The following N4BP2 variants were observed in gnomAD, a reference collection of about 807,000 sequenced individuals.
N4BP2 encodes NEDD4 binding protein 2.
In N4BP2, 91 loss-of-function variants were observed where a neutral mutation model predicts 152.8. The ratio of observed to expected loss-of-function variants is 0.60; its 90% CI spans 0.50 to 0.71. N4BP2 has a LOEUF of 0.71. N4BP2 is among the 30% of genes least tolerant of loss of function. The pLI is 0.00. For synonymous variants in N4BP2, 646 were observed against 705.3 expected, an observed-to-expected ratio of 0.92 and a Z score of 1.33; for missense variants, 1,923 against 2,059.1, an observed-to-expected ratio of 0.93 and a Z score of 1.28.
chr4:40,059,781 A>G (rs139425404), intron 1 of N4BP2, among the ~76,000 whole-genome samples: 1 of 152,350 alleles, frequency 6.6e-6, no homozygotes, highest in Non-Finnish European at 1.5e-5. Context: ...GTACACACAC[A>G]TGCACACCAG....
At chr4:40,100,076 A>G (rs1172112049) in intron 3 of N4BP2, 2 of 456,072 alleles carry the variant, frequency 4.4e-6, no homozygotes, top group African/African-American at 2.0e-5. Flanking sequence ...GTTCTTGTGC[A>G]CAGCACTTTT....
intron 5 of N4BP2, 114 bp from the exon 6 acceptor site, chr4:40,111,970 G>A (rs1716926768): frequency 1.5e-5 from 9 of 612,092 alleles, no homozygotes; most frequent in Non-Finnish European, 2.6e-5. Flanking sequence ...AAGTTGAGCA[G>A]TGAGTAAAAT....
In N4BP2 at chr4:40,106,910, G is replaced by C; in HGVS notation, c.1384G>C (p.Glu462Gln). 2 of 1,606,064 alleles carry C rather than the reference G, an allele frequency of 1.2e-6. No individual in the cohort carries two copies. Among genetic ancestry groups the C allele is most frequent in the Non-Finnish European group, 1.7e-6 (2 of 1,175,492 alleles). ...ATTTATCTTTCACAGGACTTTGCAA[G>C]AGGATAATCCAAGTGGAGTCATTCT... is the stretch of plus-strand genomic sequence containing the variant. Reference protein sequence around the residue: ...GKSFLARTLQEDNPSGVILST... With the variant: ...GKSFLARTLQQDNPSGVILST... The change falls in exon 5 of 18, where the codon GAG becomes CAG. Residue 462 changes from glutamate to glutamine, a missense_variant. Transcript: ENST00000261435.
rs1271189578 is a variant in N4BP2 at position 40,152,994 on chromosome 4, AT to A, written c.5267+92del. 4 of 1,275,242 alleles carry A rather than the reference AT, an allele frequency of 3.1e-6. No homozygotes were observed. The African/African-American group carries it at 4.4e-5, about 14-fold the overall frequency. The allele number at this position is 1,275,242 out of a possible 1,614,324, so 79.0% of individuals were successfully genotyped here. A position where few individuals can be genotyped will look rare whatever the true frequency, so the allele number is the denominator to read the frequency against. On this transcript the variant is annotated intron_variant, in intron 17 of 17. Coordinates refer to ENST00000261435, the MANE Select transcript of N4BP2 (RefSeq NM_018177.6). Reference sequence around the variant, plus strand: ...TGAGTATAGATTTCTGTTATTGATAATAGCAATAGCCCTAATATAGCTAGGT... The same window carrying A: ...TGAGTATAGATTTCTGTTATTGATAAAGCAATAGCCCTAATATAGCTAGGT...
chr4:40,159,555 G>C (rs1030616736), downstream of N4BP2, among the ~76,000 whole-genome samples: 1 of 152,108 alleles, frequency 6.6e-6, no homozygotes, highest in African/African-American at 2.4e-5. Flanking sequence ...CAAAGAAAAA[G>C]GGAGCAAAAG....
rs757955634 is a variant in N4BP2, at chr4:40,113,450, A to G, written c.1606A>G (p.Lys536Glu). 1 of 1,612,594 alleles carries G rather than the reference A, an allele frequency of 6.2e-7. No homozygotes were observed. Among genetic ancestry groups the G allele is most frequent in the South Asian group, 1.1e-5 (1 of 90,966 alleles). ...YVALSQKHKY[K>E]VLFREPDTWW... is the part of the protein sequence containing the mutation. Reference sequence around the variant, plus strand: ...TATGTAGTCTCAGAAACACAAATATAAAGTCCTTTTTCGGGAACCAGACAC... The same window carrying G: ...TATGTAGTCTCAGAAACACAAATATGAAGTCCTTTTTCGGGAACCAGACAC... Residue 536 changes from lysine to glutamate, a missense_variant, in exon 7 of 18, where the codon AAA becomes GAA. Lys to Glu is a moderately conservative substitution (Grantham distance 56). Transcript: ENST00000261435.
chr4:40,079,532 A>G (rs2109914770), intron 2 of N4BP2, among the ~76,000 whole-genome samples: 2 of 151,808 alleles, frequency 1.3e-5, no homozygotes, highest in South Asian at 4.2e-4. Flanking sequence ...GACCATTGCC[A>G]TAACACTATT....
intron 14 of N4BP2, 43 bp downstream of exon 14, chr4:40,137,125 C>T (rs749531149): frequency 6.9e-7 from 1 of 1,441,482 alleles, no homozygotes; most frequent in Non-Finnish European, 9.5e-7. Context: ...TAGATAATTG[C>T]ATATAAAAAT....
At chr4:40,108,771 A>G (rs998930891) in intron 5 of N4BP2, among the ~76,000 whole-genome samples, 9 of 151,660 alleles carry the variant, frequency 5.9e-5, no homozygotes, top group South Asian at 4.2e-4. Context: ...GCATAGTTTG[A>G]ATTTTCTATG....
At chr4:40,138,525 T>C (rs1426157696) in intron 14 of N4BP2, among the ~76,000 whole-genome samples, 1 of 152,226 alleles carries the variant, frequency 6.6e-6, no homozygotes, top group African/African-American at 2.4e-5. Context: ...TGTAGGAGTC[T>C]TATAGTTTCA....
At chr4:40,107,579 T>C (rs1405360801) in intron 5 of N4BP2, among the ~76,000 whole-genome samples, 1 of 151,944 alleles carries the variant, frequency 6.6e-6, no homozygotes, top group Non-Finnish European at 1.5e-5. Context: ...AGACGGGGTT[T>C]CCCCGTGTTG....
chr4:40,100,508 T>C (rs893845883), intron 3 of N4BP2, among the ~76,000 whole-genome samples: 1 of 151,932 alleles, frequency 6.6e-6, no homozygotes, highest in Admixed American at 6.6e-5. Flanking sequence ...CAGCCTCCTA[T>C]GTGGCTGGTA....
Position 40,122,272 on chromosome 4 carries a change from A to G in N4BP2, c.4161A>G (p.Gln1387=), listed in dbSNP as rs745623755. The change falls in exon 9 of 18, where the codon CAA becomes CAG. Residue 1387 remains glutamine, a synonymous_variant. Coordinates refer to ENST00000261435, the MANE Select transcript of N4BP2 (RefSeq NM_018177.6). ...ELALPPELAF[Q]LNELFGPVGI... is the part of the protein sequence containing the mutation. Reference sequence around the variant, plus strand: ...CATTACCCCCTGAACTGGCTTTTCAACTTAATGAATTATTTGGTCCTGTTG... The same window carrying G: ...CATTACCCCCTGAACTGGCTTTTCAGCTTAATGAATTATTTGGTCCTGTTG... The G allele has an allele frequency of 1.1e-5, 18 of 1,589,950 alleles. No individual in the cohort carries two copies. The highest frequency in any genetic ancestry group is 2.2e-5 in the East Asian group (1 of 44,452).
intron 17 of N4BP2, among the ~76,000 whole-genome samples, 193 bp downstream of exon 17, chr4:40,153,096 A>C (rs1462053459): frequency 1.3e-5 from 2 of 152,230 alleles, no homozygotes; most frequent in East Asian, 3.8e-4. Flanking sequence ...TTTCAGCCAC[A>C]GATTCATGCT....
At chr4:40,058,897 T>C (rs1733430824) in intron 1 of N4BP2, among the ~76,000 whole-genome samples, 1 of 151,930 alleles carries the variant, frequency 6.6e-6, no homozygotes, top group African/African-American at 2.4e-5. Flanking sequence ...CTCAGCTCAC[T>C]GCAACGTCTG....
chr4:40,064,456 G>A (rs1209225609), intron 1 of N4BP2, among the ~76,000 whole-genome samples: 4 of 151,996 alleles, frequency 2.6e-5, no homozygotes, highest in African/African-American at 9.7e-5. Context: ...TGTATTTTTA[G>A]TAGAGACGGG....
intron 12 of N4BP2, among the ~76,000 whole-genome samples, chr4:40,129,743 T>C (rs1222565573): frequency 6.6e-6 from 1 of 152,026 alleles, no homozygotes; most frequent in African/African-American, 2.4e-5. Context: ...AGTGCTGGGA[T>C]TGTAAGTGTA....
chr4:40,182,794 A>C, the N4BP2 span, among the ~76,000 whole-genome samples: 1 of 152,030 alleles, frequency 6.6e-6, no homozygotes, highest in African/African-American at 2.4e-5. Context: ...CTCCTGTCTC[A>C]GCCTCCCAAG....
intron 7 of N4BP2, among the ~76,000 whole-genome samples, chr4:40,114,395 C>A (rs138257938): frequency 6.6e-6 from 1 of 152,290 alleles, no homozygotes; most frequent in East Asian, 1.9e-4. Context: ...CTAGTTCCCC[C>A]CTCCTCTTGG....
Sources: gnomAD v4.1 joint callset for allele counts (sites outside exome capture counted in the v4.1 genomes callset) on GRCh38, gnomAD v4.1.1 for gene constraint, MANE v1.5 for transcripts, NCBI Gene and HGNC (gene_info 2026-07-23, HGNC 2026-07-21) for gene names.